PALM2AKAP2: variants seen among roughly 807,000 people sequenced by gnomAD.
The protein encoded by PALM2AKAP2 is PALM2-AKAP2 fusion protein.
Under a neutral mutation model 71.5 loss-of-function variants are expected in PALM2AKAP2, and 37 were observed. The observed-to-expected ratio is 0.52, with a 90% CI of 0.40 to 0.68. PALM2AKAP2 has a LOEUF of 0.68. Ranked by LOEUF, PALM2AKAP2 falls within the 30% of genes least tolerant of loss-of-function variation. The pLI is 0.00. For synonymous variants in PALM2AKAP2, 468 were observed against 478.8 expected, an observed-to-expected ratio of 0.98 and a Z score of 0.29; for missense variants, 1,224 against 1,191.8, an observed-to-expected ratio of 1.03 and a Z score of -0.40.
At chr9:110,056,567 G>A (rs1833846450) in intron 1 of PALM2AKAP2, among the ~76,000 whole-genome samples, 1 of 152,180 alleles carries the variant, frequency 6.6e-6, no homozygotes, top group South Asian at 2.1e-4. Flanking sequence ...TTTTAGCTTG[G>A]CCTATTAGTA....
intron 2 of PALM2AKAP2, among the ~76,000 whole-genome samples, chr9:109,877,691 G>A (rs1007136145): frequency 3.3e-5 from 5 of 152,204 alleles, no homozygotes; most frequent in African/African-American, 9.7e-5. Context: ...GCTGGGCACT[G>A]CTATTTTCTC....
intron 1 of PALM2AKAP2, among the ~76,000 whole-genome samples, chr9:110,056,708 C>T (rs920160703): frequency 6.6e-6 from 1 of 152,100 alleles, no homozygotes; most frequent in African/African-American, 2.4e-5. Context: ...AGATCATATC[C>T]AAAGCACTTG....
intron 1 of PALM2AKAP2, among the ~76,000 whole-genome samples, chr9:109,755,031 G>A (rs1281879679): frequency 6.6e-6 from 1 of 151,854 alleles, no homozygotes; most frequent in African/African-American, 2.4e-5. Context: ...CCAACACCAA[G>A]GGCTCCTTAG....
At chr9:110,032,882 GCCACAAT>G (rs1456714535) in intron 7 of PALM2AKAP2, among the ~76,000 whole-genome samples, 4 of 151,990 alleles carry the variant, frequency 2.6e-5, no homozygotes, top group Non-Finnish European at 5.9e-5. Context: ...GCTGCAGTAA[GCCACAAT>G]CCTACCACTG....
chr9:109,943,069 G>C (rs752405209), intron 6 of PALM2AKAP2: 1 of 1,614,236 alleles, frequency 6.2e-7, no homozygotes, highest in African/African-American at 1.3e-5. Flanking sequence ...AGGGCAGCAG[G>C]CCCAAGCCCC....
intron 1 of PALM2AKAP2, among the ~76,000 whole-genome samples, chr9:109,696,154 A>G (rs960289034): frequency 2.6e-5 from 4 of 152,164 alleles, no homozygotes; most frequent in African/African-American, 9.6e-5. Context: ...TATCACATAT[A>G]CATAGAAAAG....
At chr9:109,877,036 A>C (rs1475885605) in intron 2 of PALM2AKAP2, among the ~76,000 whole-genome samples, 1 of 152,170 alleles carries the variant, frequency 6.6e-6, no homozygotes, top group Non-Finnish European at 1.5e-5. Flanking sequence ...ACATTCCAAG[A>C]GCAGCCATTT....
chr9:109,738,860 A>G (rs989824765), intron 1 of PALM2AKAP2, among the ~76,000 whole-genome samples: 2 of 151,722 alleles, frequency 1.3e-5, no homozygotes, highest in Non-Finnish European at 3.0e-5. Context: ...GCAATTAATT[A>G]AAGTGTTTCC....
At chr9:110,091,928 G>A (rs1834725289) in intron 1 of PALM2AKAP2, among the ~76,000 whole-genome samples, 1 of 152,156 alleles carries the variant, frequency 6.6e-6, no homozygotes. Context: ...CTATTGGCAT[G>A]TTTGAGTATC....
chr9:109,830,766 A>T (rs1407606184), intron 1 of PALM2AKAP2, among the ~76,000 whole-genome samples: 3 of 152,120 alleles, frequency 2.0e-5, no homozygotes, highest in Non-Finnish European at 4.4e-5. Context: ...TGACAATCCT[A>T]AGTGGAAGGA....
chr9:110,085,533 A>G (rs1032887420), intron 1 of PALM2AKAP2, among the ~76,000 whole-genome samples: 4 of 152,234 alleles, frequency 2.6e-5, no homozygotes, highest in Admixed American at 1.3e-4. Flanking sequence ...CCGAGTTAGC[A>G]ATATGTAAGT....
At chr9:109,749,247 G>A (rs1828849715) in intron 1 of PALM2AKAP2, among the ~76,000 whole-genome samples, 1 of 152,050 alleles carries the variant, frequency 6.6e-6, no homozygotes, top group African/African-American at 2.4e-5. Context: ...AAGTACCCAG[G>A]TCTCTCACAG....
chr9:109,758,307 G>A (rs1376374449), intron 1 of PALM2AKAP2, among the ~76,000 whole-genome samples: 1 of 152,052 alleles, frequency 6.6e-6, no homozygotes, highest in East Asian at 1.9e-4. Flanking sequence ...GTACGACAGT[G>A]AATAATGTTG....
intron 1 of PALM2AKAP2, among the ~76,000 whole-genome samples, chr9:109,758,333 G>GGTCATCTGT (rs1828998127): frequency 6.6e-6 from 1 of 152,170 alleles, no homozygotes; most frequent in East Asian, 1.9e-4. Context: ...ATATCATTTT[G>GGTCATCTGT]AGCATGGGTC....
At chr9:109,931,967 A>G in exon 6 of PALM2AKAP2, 1 of 1,614,134 alleles carries the variant, frequency 6.2e-7, no homozygotes, top group South Asian at 1.1e-5. Context: ...CCGACCTGCC[A>G]ATCCTCTGTT....
upstream of PALM2AKAP2, among the ~76,000 whole-genome samples, chr9:109,779,782 C>T (rs986395711): frequency 6.6e-6 from 1 of 152,186 alleles, no homozygotes; most frequent in Admixed American, 6.5e-5. Context: ...TTGTAAATGT[C>T]CCCACGTGGA....
intron 6 of PALM2AKAP2, among the ~76,000 whole-genome samples, chr9:110,000,857 G>T (rs1381944878): frequency 6.6e-6 from 1 of 152,134 alleles, no homozygotes; most frequent in Admixed American, 6.5e-5. Flanking sequence ...TGTTGATGGG[G>T]TTGTTTGTTT....
chr9:110,086,565 G>A (rs1053821067), intron 1 of PALM2AKAP2, among the ~76,000 whole-genome samples: 1 of 152,262 alleles, frequency 6.6e-6, no homozygotes, highest in Non-Finnish European at 1.5e-5. Context: ...TTGTACCTGT[G>A]GGCATTGGGC....
intron 1 of PALM2AKAP2, among the ~76,000 whole-genome samples, chr9:109,752,792 T>C (rs1587894613): frequency 3.9e-5 from 6 of 152,240 alleles, no homozygotes; most frequent in Admixed American, 3.9e-4. Flanking sequence ...ATGCAACAGA[T>C]GGACTGGGGA....
Sources: gnomAD v4.1 joint callset for allele counts (sites outside exome capture counted in the v4.1 genomes callset) on GRCh38, gnomAD v4.1.1 for gene constraint, MANE v1.5 for transcripts, NCBI Gene and HGNC (gene_info 2026-07-23, HGNC 2026-07-21) for gene names.